The following WNK1 variants were observed in gnomAD, a reference collection of about 807,000 sequenced individuals.
WNK1 encodes the protein WNK lysine deficient protein kinase 1.
WNK1 carries 38 observed loss-of-function variants against 222.8 expected under a neutral mutation model. The observed-to-expected ratio is 0.17, with a 90% CI of 0.13 to 0.22. WNK1 has a LOEUF of 0.22. WNK1 is among the 10% of genes least tolerant of loss of function. The pLI is 1.00. For missense variants in WNK1, 2,348 were observed against 2,918.4 expected, an observed-to-expected ratio of 0.80 and a Z score of 4.50; for synonymous variants, 1,090 against 1,092.9, an observed-to-expected ratio of 1.00 and a Z score of 0.05.
At chr12:867,859 G>A (rs1200286791) in intron 8 of WNK1, 1 of 1,613,348 alleles carries the variant, frequency 6.2e-7, no homozygotes, top group African/African-American at 1.3e-5. Flanking sequence ...TATTCATGTT[G>A]ATACAGCCTC....
intron 20 of WNK1, among the ~76,000 whole-genome samples, chr12:888,813 T>C (rs1953923506): frequency 6.6e-6 from 1 of 152,210 alleles, no homozygotes; most frequent in Non-Finnish European, 1.5e-5. Flanking sequence ...TTGTACATTT[T>C]TCACAATATA....
chr12:772,783 A>G (rs1459379050), intron 1 of WNK1, among the ~76,000 whole-genome samples: 2 of 152,310 alleles, frequency 1.3e-5, no homozygotes, highest in East Asian at 3.9e-4. Context: ...TGGTTGATAT[A>G]TTACAAAGCT....
At chr12:887,478 A>G (rs1043480464) in intron 20 of WNK1, among the ~76,000 whole-genome samples, 174 bp downstream of exon 20, 2 of 152,226 alleles carry the variant, frequency 1.3e-5, no homozygotes, top group African/African-American at 4.8e-5. Context: ...GAAGCTTCAT[A>G]GCTCTTTTGT....
chr12:796,412 G>A (rs1312109632), intron 1 of WNK1, among the ~76,000 whole-genome samples: 1 of 151,976 alleles, frequency 6.6e-6, no homozygotes, highest in African/African-American at 2.4e-5. Context: ...CCTGTATTAC[G>A]CAATAAGGAG....
intron 1 of WNK1, among the ~76,000 whole-genome samples, chr12:784,932 A>G (rs1944116865): frequency 6.6e-6 from 1 of 152,202 alleles, no homozygotes. Flanking sequence ...CATTTGGGAG[A>G]TAAATGTATT....
chr12:838,113 G>T (rs1351730446), intron 4 of WNK1, among the ~76,000 whole-genome samples: 3 of 149,896 alleles, frequency 2.0e-5, no homozygotes, highest in Non-Finnish European at 3.0e-5. Flanking sequence ...GTGTGTGTAT[G>T]TATAAACACA....
Position 879,893 on chromosome 12 carries a change from C to A in WNK1, c.2694C>A (p.Thr898=). 6.2e-7 allele frequency: 1 copy of A among 1,614,110 alleles called. No homozygotes were observed. The highest frequency in any genetic ancestry group is 1.6e-4 in the Middle Eastern group (1 of 6,062). ...CTGTGGTTCCTAGTCAGCTTCCAACCCTTCTGCAGCCTGTGACTCAGCTGC... is the reference window on the plus strand; with the variant it reads ...CTGTGGTTCCTAGTCAGCTTCCAACACTTCTGCAGCCTGTGACTCAGCTGC... The part of the protein sequence containing the change: ...VSTVVPSQLP[T]LLQPVTQLPS... The change falls in exon 11 of 28, where the codon ACC becomes ACA. Residue 898 remains threonine, a synonymous_variant. Transcript: ENST00000315939.
chr12:840,252 T>G (rs942716088), intron 4 of WNK1, among the ~76,000 whole-genome samples: 3 of 151,288 alleles, frequency 2.0e-5, no homozygotes, highest in Non-Finnish European at 2.9e-5. Context: ...CTCAGCCTTC[T>G]GAATCGCTAG....
intron 1 of WNK1, among the ~76,000 whole-genome samples, chr12:791,428 G>T (rs1185540214): frequency 6.6e-6 from 1 of 151,982 alleles, no homozygotes; most frequent in Non-Finnish European, 1.5e-5. Flanking sequence ...ATTATATCAT[G>T]TATGTGAAAA....
intron 7 of WNK1, 149 bp from the exon 8 acceptor site, chr12:861,934 T>C (rs1951248840): frequency 1.1e-6 from 1 of 885,410 alleles, no homozygotes; most frequent in East Asian, 2.7e-5. Flanking sequence ...TGAATATGGC[T>C]ACAATTCATT....
chr12:798,692 G>A (rs1945575640), intron 1 of WNK1, among the ~76,000 whole-genome samples: 2 of 151,934 alleles, frequency 1.3e-5, no homozygotes, highest in South Asian at 4.2e-4. Context: ...ACATATTTAA[G>A]TGTCTTGCTA....
At chr12:881,621 A>G in intron 12 of WNK1, 71 bp from the exon 13 acceptor site, 1 of 1,274,100 alleles carries the variant, frequency 7.8e-7, no homozygotes, top group Non-Finnish European at 1.1e-6. Context: ...GAAAAAAATA[A>G]GTAGATTATT....
chr12:847,134 AATT>A (rs1950078769), intron 4 of WNK1, among the ~76,000 whole-genome samples: 1 of 152,208 alleles, frequency 6.6e-6, no homozygotes, highest in South Asian at 2.1e-4. Flanking sequence ...ACTAAATAAT[AATT>A]ATTAAATCAT....
chr12:814,998 C>A (rs548167176), intron 2 of WNK1, among the ~76,000 whole-genome samples: 138 of 152,290 alleles, frequency 9.1e-4, no homozygotes, highest in Non-Finnish European at 1.7e-3. Flanking sequence ...GCACAGTTCA[C>A]AGTAGGGTTC....
intron 4 of WNK1, among the ~76,000 whole-genome samples, chr12:849,874 A>G (rs1009495953): frequency 3.9e-5 from 6 of 152,096 alleles, no homozygotes; most frequent in Non-Finnish European, 8.8e-5. Flanking sequence ...AGCTTCATCC[A>G]TGTCCCTACA....
chr12:911,064 T>TTCAC lies in WNK1; in HGVS notation c.*2276_*2279dup, dbSNP rs2154106082. The TTCAC allele has an allele frequency of 2.6e-6, 1 of 377,980 alleles. No homozygotes were observed. Among genetic ancestry groups the TTCAC allele is most frequent in the Non-Finnish European group, 4.7e-6 (1 of 214,362 alleles). The allele number at this position is 377,980 out of a possible 1,614,324, so 23.4% of individuals were successfully genotyped here. A position where few individuals can be genotyped will look rare whatever the true frequency, so the allele number is the denominator to read the frequency against. ...GGTTTAATAATAATTTTGACATCTT[T>TTCAC]TCACTCATACACAAAAAAAGTCAGA... is the stretch of plus-strand genomic sequence containing the variant. On this transcript the variant is annotated 3_prime_UTR_variant, in exon 28 of 28. Coordinates refer to ENST00000315939, the MANE Select transcript of WNK1 (RefSeq NM_018979.4).
chr12:832,812 C>T (rs1211010127), intron 4 of WNK1, among the ~76,000 whole-genome samples: 1 of 152,218 alleles, frequency 6.6e-6, no homozygotes, highest in African/African-American at 2.4e-5. Flanking sequence ...GAAGCACTGA[C>T]TCTCAATTTG....
rs1244117097 is a variant in WNK1 at position 879,813 on chromosome 12, C to T, written c.2614C>T (p.Pro872Ser). Residue 872 changes from proline to serine, a missense_variant, in exon 11 of 28, where the codon CCT (proline) becomes TCT (serine). Pro to Ser is a moderately conservative substitution (Grantham distance 74, BLOSUM62 -1). Transcript: ENST00000315939. Reference protein sequence around the residue: ...PITMAAGITQPLLTLASSATT... With the variant: ...PITMAAGITQSLLTLASSATT... ...CACAATGGCAGCTGGCATTACTCAG[C>T]CTCTGCTCACGTTGGCTTCATCTGC... 7 of 1,614,020 alleles carry T rather than the reference C, an allele frequency of 4.3e-6. No homozygotes were observed. Among genetic ancestry groups the T allele is most frequent in the Non-Finnish European group, 5.9e-6 (7 of 1,180,056 alleles).
In WNK1 at chr12:879,775, C is replaced by T. The variant is rs778792291; in HGVS notation, c.2576C>T (p.Ser859Leu). 8 of 1,614,108 alleles carry T rather than the reference C, an allele frequency of 5.0e-6. No homozygotes were observed. The highest frequency in any genetic ancestry group is 6.8e-6 in the Non-Finnish European group (8 of 1,180,030). ...GTGTCTACGGCTCAGACAGGTTTCT[C>T]ATCCCTTCCCATCACAATGGCAGCT... ...PHVSTAQTGF[S>L]SLPITMAAGI... Residue 859 changes from serine (S) to leucine (L), a missense_variant, in exon 11 of 28, where the codon TCA (serine) becomes TTA (leucine). Physicochemically the swap from Ser to Leu is moderately radical, Grantham distance 145. Transcript: ENST00000315939.
Sources: gnomAD v4.1 joint callset for allele counts (sites outside exome capture counted in the v4.1 genomes callset) on GRCh38, gnomAD v4.1.1 for gene constraint, MANE v1.5 for transcripts, NCBI Gene and HGNC (gene_info 2026-07-23, HGNC 2026-07-21) for gene names.